COL4A6: variants seen among roughly 807,000 people sequenced by gnomAD.
COL4A6 encodes the protein collagen alpha-6(IV) chain.
Under a neutral mutation model 126.7 loss-of-function variants are expected in COL4A6, and 59 were observed. The observed-to-expected ratio is 0.47, with a 90% CI of 0.38 to 0.58. The LOEUF is 0.58. Ranked by LOEUF, COL4A6 falls within the 20% of genes least tolerant of loss-of-function variation. The pLI, the probability that COL4A6 is intolerant of heterozygous loss-of-function variation, is 0.00. For missense variants in COL4A6, 1,285 were observed against 1,337.3 expected (o/e 0.96, Z 0.61); for synonymous variants, 547 against 496.6 (o/e 1.10, Z -1.35).
intron 2 of COL4A6, among the ~76,000 whole-genome samples, chrX:108,358,539 C>A (rs1481474142): frequency 9.1e-6 from 1 of 109,914 alleles, no homozygotes; most frequent in Non-Finnish European, 1.9e-5. Flanking sequence ...GGACCACAGG[C>A]GTGAGCCACT....
At chrX:108,394,082 A>G (rs878925696) in intron 2 of COL4A6, among the ~76,000 whole-genome samples, 1 of 112,487 alleles carries the variant, frequency 8.9e-6, no homozygotes, top group African/African-American at 3.2e-5. Context: ...ACACCATGGA[A>G]TACTATGCAG....
At chrX:108,230,625 C>A (rs1013293773) in intron 3 of COL4A6, among the ~76,000 whole-genome samples, 1 of 112,100 alleles carries the variant, frequency 8.9e-6, no homozygotes, top group Non-Finnish European at 1.9e-5. Flanking sequence ...AATAATAACA[C>A]CCCCATGAGT....
intron 33 of COL4A6, 103 bp downstream of exon 33, chrX:108,171,284 T>C: frequency 1.5e-6 from 1 of 656,161 alleles, no homozygotes; most frequent in Non-Finnish European, 2.4e-6. Context: ...TTTTCTGCAC[T>C]GGATAGAAGT....
At chrX:108,341,153 A>T (rs1168842672) in intron 2 of COL4A6, among the ~76,000 whole-genome samples, 1 of 111,181 alleles carries the variant, frequency 9.0e-6, no homozygotes, top group Non-Finnish European at 1.9e-5. Flanking sequence ...GCTGTGTCTT[A>T]TTCATCCTAA....
chrX:108,244,460 C>T (rs191985573), intron 3 of COL4A6, among the ~76,000 whole-genome samples: 4 of 111,415 alleles, frequency 3.6e-5, no homozygotes, highest in Non-Finnish European at 7.5e-5. Context: ...GCTGCAATTC[C>T]TCACGTCTTA....
At chrX:108,296,286 C>A (rs1424605802) in intron 3 of COL4A6, among the ~76,000 whole-genome samples, 3 of 112,383 alleles carry the variant, frequency 2.7e-5, no homozygotes, top group Admixed American at 9.4e-5. Context: ...TATTTGGCCA[C>A]AGGCCCACTT....
At position 108,433,708 on chromosome X, in the gene COL4A6, G is replaced by A. The variant is rs151314668; in HGVS notation, c.63+4234C>T. ...CCAGCTAATTTTTGTATTTTTTGTA[G>A]AGACGGAGTTTCACTATGTTGCCTA... On this transcript the variant is annotated intron_variant, in intron 2 of 44. Coordinates refer to ENST00000334504, the MANE Select transcript of COL4A6 (RefSeq NM_033641.4). Among the ~76,000 whole-genome samples, 669 of 110,729 alleles carry A rather than the reference G, an allele frequency of 6.0e-3. 2 individuals are homozygous for A. The highest frequency in any genetic ancestry group is 0.04 in the East Asian group (139 of 3,493).
At chrX:108,408,268 A>T (rs2041246685) in intron 2 of COL4A6, among the ~76,000 whole-genome samples, 1 of 110,849 alleles carries the variant, frequency 9.0e-6, no homozygotes, top group Non-Finnish European at 1.9e-5. Flanking sequence ...GTTTGCAATG[A>T]GTGGAGACAA....
chrX:108,200,993 G>A (rs2035374484), intron 13 of COL4A6, among the ~76,000 whole-genome samples: 1 of 111,870 alleles, frequency 8.9e-6, no homozygotes, highest in Non-Finnish European at 1.9e-5. Context: ...CTAAAGTTTG[G>A]GTGTTCTGTC....
At chrX:108,241,871 C>G (rs2036581286) in intron 3 of COL4A6, among the ~76,000 whole-genome samples, 1 of 110,605 alleles carries the variant, frequency 9.0e-6, no homozygotes, top group Non-Finnish European at 1.9e-5. Flanking sequence ...ACACCCCTAA[C>G]CCCATCACCT....
At chrX:108,431,738 G>T in intron 2 of COL4A6, among the ~76,000 whole-genome samples, 1 of 111,504 alleles carries the variant, frequency 9.0e-6, no homozygotes, top group Admixed American at 9.6e-5. Context: ...ATGAGTCCCA[G>T]TGGATAAGCT....
intron 2 of COL4A6, among the ~76,000 whole-genome samples, chrX:108,316,577 G>C (rs1049465833): frequency 9.0e-6 from 1 of 111,218 alleles, no homozygotes; most frequent in Non-Finnish European, 1.9e-5. Context: ...CATCAGTCCT[G>C]GGAAATTGTT....
chrX:108,309,086 G>A (rs918711522), intron 3 of COL4A6, among the ~76,000 whole-genome samples: 2 of 111,804 alleles, frequency 1.8e-5, no homozygotes, highest in South Asian at 7.5e-4. Flanking sequence ...TTAGACATAC[G>A]TGTACATATC....
intron 2 of COL4A6, among the ~76,000 whole-genome samples, chrX:108,433,325 AC>A (rs1359686753): frequency 9.0e-6 from 1 of 111,035 alleles, no homozygotes; most frequent in Non-Finnish European, 1.9e-5. Flanking sequence ...ATTTAATTAG[AC>A]TTTAAACCAA....
chrX:108,292,776 C>T (rs1312967451), intron 3 of COL4A6, among the ~76,000 whole-genome samples: 3 of 108,848 alleles, frequency 2.8e-5, no homozygotes, highest in Non-Finnish European at 5.7e-5. Flanking sequence ...CAGCCCCCAT[C>T]TCAGCCTCTT....
intron 3 of COL4A6, among the ~76,000 whole-genome samples, chrX:108,263,218 G>C (rs961134063): frequency 9.0e-6 from 1 of 111,542 alleles, no homozygotes; most frequent in African/African-American, 3.2e-5. Flanking sequence ...GTCCCCAAAT[G>C]AGATTCCTGT....
At chrX:108,435,285 A>G (rs2064245127) in intron 2 of COL4A6, among the ~76,000 whole-genome samples, 1 of 111,826 alleles carries the variant, frequency 8.9e-6, no homozygotes, top group South Asian at 3.8e-4. Context: ...AAACATAAGG[A>G]TCTGACTACT....
At chrX:108,226,949 G>A (rs142168205) in intron 3 of COL4A6, among the ~76,000 whole-genome samples, 3 of 111,529 alleles carry the variant, frequency 2.7e-5, no homozygotes, top group Non-Finnish European at 3.8e-5. Flanking sequence ...CCAATCTTGC[G>A]TTACTCTCTC....
intron 2 of COL4A6, among the ~76,000 whole-genome samples, chrX:108,343,165 A>AGTGTGTGTGTGT (rs55685604): frequency 0.011 from 346 of 31,304 alleles, 9 homozygotes; most frequent in African/African-American, 0.03. Context: ...ATATATATAT[A>AGTGTGTGTGTGT]GTGTGTGTGT....
Sources: allele counts gnomAD v4.1 joint callset (sites outside exome capture counted in the v4.1 genomes callset), GRCh38; gene constraint gnomAD v4.1.1; transcripts MANE v1.5; gene names NCBI Gene and HGNC (gene_info 2026-07-23, HGNC 2026-07-21).